The following PEX5L variants were observed in gnomAD, a reference collection of about 807,000 sequenced individuals.
PEX5L encodes the protein PEX5-related protein.
Under a neutral mutation model 84.0 loss-of-function variants are expected in PEX5L, and 30 were observed. That is an observed-to-expected ratio of 0.36 (90% CI 0.27 to 0.48). The LOEUF (loss-of-function observed/expected upper bound fraction) is 0.48, where lower values mean the gene tolerates loss of function less well. Ranked by LOEUF, PEX5L falls within the 20% of genes least tolerant of loss-of-function variation. The probability of loss-of-function intolerance (pLI) is 0.99; values close to 1 mark genes in which losing one functional copy is unlikely to be tolerated. For missense variants in PEX5L, 533 were observed against 754.6 expected (o/e 0.71, Z 3.44); for synonymous variants, 270 against 283.1 (o/e 0.95, Z 0.46).
intron 2 of PEX5L, among the ~76,000 whole-genome samples, chr3:179,910,009 A>C (rs560130387): frequency 5.9e-5 from 9 of 152,324 alleles, no homozygotes; most frequent in Middle Eastern, 3.4e-3. Flanking sequence ...GTAATAGAAC[A>C]ACCACCCATG....
At chr3:179,933,798 G>T (rs1386718014) in intron 2 of PEX5L, among the ~76,000 whole-genome samples, 2 of 152,228 alleles carry the variant, frequency 1.3e-5, no homozygotes, top group Non-Finnish European at 2.9e-5. Context: ...CTCACCCTCA[G>T]ATATTCTGAT....
At chr3:179,803,757 T>C (rs1022092722) in intron 14 of PEX5L, among the ~76,000 whole-genome samples, 2 of 152,252 alleles carry the variant, frequency 1.3e-5, no homozygotes, top group African/African-American at 4.8e-5. Context: ...TTTCTAATTC[T>C]AATGCACATA....
At chr3:179,970,274 G>T (rs1256289399) in intron 2 of PEX5L, among the ~76,000 whole-genome samples, 2 of 152,068 alleles carry the variant, frequency 1.3e-5, no homozygotes, top group Non-Finnish European at 2.9e-5. Flanking sequence ...TCATTTGCCA[G>T]GTGGGTCCAG....
intron 1 of PEX5L, among the ~76,000 whole-genome samples, chr3:180,016,136 A>G (rs2110487727): frequency 6.6e-6 from 1 of 152,180 alleles, no homozygotes; most frequent in East Asian, 1.9e-4. Context: ...TCAATATCTT[A>G]TCTTTCTGTT....
At chr3:179,923,616 G>C (rs1421643985) in intron 2 of PEX5L, among the ~76,000 whole-genome samples, 1 of 152,150 alleles carries the variant, frequency 6.6e-6, no homozygotes, top group Non-Finnish European at 1.5e-5. Flanking sequence ...AAAATCACGG[G>C]CATAAGGCTT....
chr3:179,968,483 T>G (rs1279622405), intron 2 of PEX5L, among the ~76,000 whole-genome samples: 1 of 152,128 alleles, frequency 6.6e-6, no homozygotes, highest in Non-Finnish European at 1.5e-5. Flanking sequence ...TGTTTAAAAT[T>G]TATCTTTTAA....
At chr3:179,848,099 A>G (rs2108414296) in intron 8 of PEX5L, among the ~76,000 whole-genome samples, 1 of 152,258 alleles carries the variant, frequency 6.6e-6, no homozygotes, top group East Asian at 1.9e-4. Flanking sequence ...TGCAGATCTC[A>G]TTATTGTTCC....
At chr3:179,803,309 A>C (rs953750793) in intron 14 of PEX5L, among the ~76,000 whole-genome samples, 1 of 152,236 alleles carries the variant, frequency 6.6e-6, no homozygotes, top group South Asian at 2.1e-4. Context: ...AGTGAGTTTT[A>C]TTCTTTTTAA....
intron 2 of PEX5L, among the ~76,000 whole-genome samples, chr3:179,917,625 T>C (rs1276216065): frequency 1.3e-5 from 2 of 152,182 alleles, no homozygotes; most frequent in African/African-American, 4.8e-5. Flanking sequence ...GGGACCACTG[T>C]CGTATATGTG....
intron 8 of PEX5L, among the ~76,000 whole-genome samples, chr3:179,831,713 C>A (rs1160353008): frequency 2.6e-5 from 4 of 152,134 alleles, no homozygotes; most frequent in African/African-American, 9.7e-5. Context: ...AAGCAGATAA[C>A]ACCCAACTGA....
intron 2 of PEX5L, among the ~76,000 whole-genome samples, chr3:179,932,308 C>T (rs1391441483): frequency 1.3e-5 from 2 of 151,886 alleles, no homozygotes; most frequent in East Asian, 1.9e-4. Context: ...TGTAAGAATA[C>T]CTTTTAAAAT....
At chr3:179,889,383 T>C (rs138461643) in intron 3 of PEX5L, among the ~76,000 whole-genome samples, 11 of 152,328 alleles carry the variant, frequency 7.2e-5, no homozygotes, top group African/African-American at 2.4e-4. Flanking sequence ...AGTACTCATA[T>C]GCATGCTATT....
In PEX5L at chr3:179,809,499, G is replaced by A. The variant is rs765930710; in HGVS notation, c.1324C>T (p.Arg442Trp). Residue 442 changes from arginine (R) to tryptophan (W), a missense_variant, in exon 12 of 15, where the codon CGG becomes TGG. By Grantham distance (101) the Arg-to-Trp change is moderately radical (BLOSUM62 -3). This residue lies in a region of PEX5L where 63 missense variants were observed against 60.2 expected (regional missense o/e 1.05). Coordinates refer to ENST00000467460, the MANE Select transcript of PEX5L (RefSeq NM_016559.3). ...KSKKGSPGLT[R>W]RMSKSPVDSS... ...TCAACTGGGGACTTAGACATCCGCC[G>A]GGTGAGGCCTGGAGATCCCTTCTTG... 8 of 1,613,834 alleles carry A rather than the reference G, an allele frequency of 5.0e-6. No individual in the cohort carries two copies. Among genetic ancestry groups the A allele is most frequent in the East Asian group, 2.2e-5 (1 of 44,892 alleles).
At chr3:179,856,967 TG>T (rs1188749601) in intron 8 of PEX5L, among the ~76,000 whole-genome samples, 2 of 152,234 alleles carry the variant, frequency 1.3e-5, no homozygotes, top group Non-Finnish European at 2.9e-5. Flanking sequence ...CTGTGGACCA[TG>T]CTATTGTTAG....
intron 6 of PEX5L, among the ~76,000 whole-genome samples, chr3:179,874,738 G>GTTTTTTTTTTTTTTTTTTTTTTTTTTT (rs3836472): frequency 6.5e-5 from 3 of 45,992 alleles, no homozygotes; most frequent in Admixed American, 3.6e-4. Context: ...TTTTTTTTTT[G>GTTTTTTTTTTTTTTTTTTTTTTTTTTT]TTTTTTTTTT....
chr3:179,968,334 C>T (rs1466032355), intron 2 of PEX5L, among the ~76,000 whole-genome samples: 2 of 152,122 alleles, frequency 1.3e-5, no homozygotes, highest in Non-Finnish European at 2.9e-5. Context: ...AGTCAAGGCA[C>T]TTGACTATCT....
chr3:179,855,295 A>T lies in PEX5L; in HGVS notation c.822+3767T>A, dbSNP rs968452884. Among the ~76,000 whole-genome samples, 66 of 152,240 alleles carry T rather than the reference A, an allele frequency of 4.3e-4. 1 individual carries two copies. Among genetic ancestry groups the T allele is most frequent in the African/African-American group, 1.5e-3 (63 of 41,460 alleles). On this transcript the variant is annotated intron_variant, in intron 8 of 14. Coordinates refer to ENST00000467460, the MANE Select transcript of PEX5L (RefSeq NM_016559.3). ...AAGGCAGAGATTTTGGAAAAATTCA[A>T]CTTGCTCCAGGCATGATTTTCATCT...
intron 1 of PEX5L, among the ~76,000 whole-genome samples, chr3:180,014,712 T>TTA (rs1190826198): frequency 6.6e-6 from 1 of 152,178 alleles, no homozygotes; most frequent in Non-Finnish European, 1.5e-5. Context: ...GTGTTCTATT[T>TTA]TATATGTATA....
At chr3:179,804,570 A>G (rs1194439171) in intron 14 of PEX5L, among the ~76,000 whole-genome samples, 1 of 152,134 alleles carries the variant, frequency 6.6e-6, no homozygotes, top group East Asian at 1.9e-4. Flanking sequence ...TCCTTATTTT[A>G]ATTGTATATG....
Sources: allele counts gnomAD v4.1 joint callset (sites outside exome capture counted in the v4.1 genomes callset), GRCh38; gene constraint gnomAD v4.1.1; regional missense constraint gnomAD v4.1.1; transcripts MANE v1.5; gene names NCBI Gene and HGNC (gene_info 2026-07-23, HGNC 2026-07-21).